SV2C: variants seen among roughly 807,000 people sequenced by gnomAD.
SV2C encodes synaptic vesicle glycoprotein 2C.
In SV2C, 49 loss-of-function variants were observed where a neutral mutation model predicts 79.7. That is an observed-to-expected ratio of 0.61 (90% CI 0.49 to 0.78). The LOEUF (loss-of-function observed/expected upper bound fraction) is 0.78, where lower values mean the gene tolerates loss of function less well. Ranked by LOEUF, SV2C falls within the 30% of genes least tolerant of loss-of-function variation. The pLI is 0.00. For synonymous variants in SV2C, 334 were observed against 333.2 expected, an observed-to-expected ratio of 1.00 and a Z score of -0.03; for missense variants, 833 against 912.9, an observed-to-expected ratio of 0.91 and a Z score of 1.13.
intron 12 of SV2C, among the ~76,000 whole-genome samples, chr5:76,323,047 A>T (rs1469816530): frequency 6.6e-6 from 1 of 152,260 alleles, no homozygotes; most frequent in African/African-American, 2.4e-5. Context: ...GGATGTAATT[A>T]AACTAAAGAT....
At chr5:75,987,755 A>G in the SV2C span, among the ~76,000 whole-genome samples, 2 of 152,052 alleles carry the variant, frequency 1.3e-5, no homozygotes, top group Admixed American at 6.6e-5. Context: ...AACTTAAACA[A>G]TATTGCAAAG....
At chr5:76,294,304 C>CTTTTT (rs70979391) in intron 8 of SV2C, among the ~76,000 whole-genome samples, 6 of 129,516 alleles carry the variant, frequency 4.6e-5, no homozygotes, top group Non-Finnish European at 9.6e-5. Flanking sequence ...TTCTCTCTCT[C>CTTTTT]TTTTTTTTTT....
chr5:75,897,791 G>C, the SV2C span, among the ~76,000 whole-genome samples: 3 of 151,918 alleles, frequency 2.0e-5, no homozygotes. Flanking sequence ...CACGTCCCTT[G>C]TAAGTTGGAT....
intron 3 of SV2C, among the ~76,000 whole-genome samples, chr5:76,206,172 T>G (rs1247827511): frequency 1.3e-5 from 2 of 151,986 alleles, no homozygotes; most frequent in African/African-American, 4.8e-5. Flanking sequence ...GATTTGGGGG[T>G]TGGGGAGTGG....
intron 6 of SV2C, among the ~76,000 whole-genome samples, chr5:76,289,103 T>C (rs1747457284): frequency 6.6e-6 from 1 of 152,086 alleles, no homozygotes; most frequent in Non-Finnish European, 1.5e-5. Flanking sequence ...TCCAGGCTGG[T>C]CTCAAACTCC....
chr5:75,855,871 G>T, the SV2C span, among the ~76,000 whole-genome samples: 1 of 152,078 alleles, frequency 6.6e-6, no homozygotes, highest in Non-Finnish European at 1.5e-5. Flanking sequence ...TCACTCTGCT[G>T]TGCTATTAAA....
chr5:75,853,092 A>AT, the SV2C span, among the ~76,000 whole-genome samples: 1 of 152,212 alleles, frequency 6.6e-6, no homozygotes, highest in Non-Finnish European at 1.5e-5. Flanking sequence ...GCAAGTTCTT[A>AT]ATGCTATATG....
intron 2 of SV2C, among the ~76,000 whole-genome samples, chr5:76,142,527 A>G (rs75068183): frequency 0.057 from 8,724 of 152,246 alleles, 734 homozygotes; most frequent in East Asian, 0.4. Context: ...CAGTGAGTAT[A>G]TGGTCATTCA....
intron 5 of SV2C, 169 bp downstream of exon 5, chr5:76,285,464 A>G (rs1428736132): frequency 1.1e-5 from 10 of 945,070 alleles, no homozygotes; most frequent in Admixed American, 3.2e-5. Context: ...ACCAACATGT[A>G]AAAAAGCTGC....
At chr5:76,094,358 T>A (rs1747476536) in intron 1 of SV2C, among the ~76,000 whole-genome samples, 1 of 152,192 alleles carries the variant, frequency 6.6e-6, no homozygotes, top group South Asian at 2.1e-4. Context: ...TGTCCTAATT[T>A]TTATCACCAA....
At chr5:76,121,743 C>A (rs1301965991) in intron 1 of SV2C, among the ~76,000 whole-genome samples, 3 of 151,898 alleles carry the variant, frequency 2.0e-5, no homozygotes, top group Non-Finnish European at 2.9e-5. Flanking sequence ...TGTTTTGGTA[C>A]CAGTACCATG....
At chr5:76,182,593 G>A (rs1220104195) in intron 2 of SV2C, among the ~76,000 whole-genome samples, 2 of 152,168 alleles carry the variant, frequency 1.3e-5, no homozygotes, top group Non-Finnish European at 2.9e-5. Context: ...ATGAAAGGAA[G>A]CACACACTCT....
At chr5:76,186,658 C>A (rs984621085) in intron 2 of SV2C, among the ~76,000 whole-genome samples, 2 of 151,670 alleles carry the variant, frequency 1.3e-5, no homozygotes, top group Non-Finnish European at 2.9e-5. Context: ...CACCACTGCA[C>A]TCCAGGCTGG....
At chr5:75,901,862 G>A in the SV2C span, among the ~76,000 whole-genome samples, 1 of 152,224 alleles carries the variant, frequency 6.6e-6, no homozygotes, top group Non-Finnish European at 1.5e-5. Flanking sequence ...AGCAATCAGT[G>A]AGACTCCGTG....
At chr5:76,031,501 C>A in the SV2C span, among the ~76,000 whole-genome samples, 1 of 152,224 alleles carries the variant, frequency 6.6e-6, no homozygotes, top group East Asian at 1.9e-4. Flanking sequence ...GCCCAGTTAC[C>A]TGACTCTGCA....
At chr5:75,890,482 C>A in the SV2C span, among the ~76,000 whole-genome samples, 1 of 152,072 alleles carries the variant, frequency 6.6e-6, no homozygotes, top group Non-Finnish European at 1.5e-5. Flanking sequence ...AATGCCTATA[C>A]TCCTTATTTC....
At chr5:76,288,879 T>C (rs1048739936) in intron 6 of SV2C, among the ~76,000 whole-genome samples, 6 of 152,130 alleles carry the variant, frequency 3.9e-5, no homozygotes, top group African/African-American at 9.7e-5. Context: ...CTTTTCTTTT[T>C]TTTTTTTCCT....
At chr5:75,934,426 A>C in the SV2C span, among the ~76,000 whole-genome samples, 1 of 148,112 alleles carries the variant, frequency 6.8e-6, no homozygotes, top group Non-Finnish European at 1.5e-5. Flanking sequence ...AGCTGGGATT[A>C]TAGGCGCACA....
At chr5:75,963,544 T>C in the SV2C span, among the ~76,000 whole-genome samples, 1 of 152,152 alleles carries the variant, frequency 6.6e-6, no homozygotes, top group Non-Finnish European at 1.5e-5. Context: ...TTTTAAGTAC[T>C]CTGGGTTCCT....
Sources: gnomAD v4.1 joint callset for allele counts (sites outside exome capture counted in the v4.1 genomes callset) on GRCh38, gnomAD v4.1.1 for gene constraint, MANE v1.5 for transcripts, NCBI Gene and HGNC (gene_info 2026-07-23, HGNC 2026-07-21) for gene names.